RETSAT: variants seen among roughly 807,000 people sequenced by gnomAD.
RETSAT encodes retinol saturase.
Under a neutral mutation model 61.6 loss-of-function variants are expected in RETSAT, and 35 were observed. The ratio of observed to expected loss-of-function variants is 0.57; its 90% CI spans 0.43 to 0.75. RETSAT has a LOEUF of 0.75. RETSAT is among the 30% of genes least tolerant of loss of function. The pLI, the probability that RETSAT is intolerant of heterozygous loss-of-function variation, is 0.00. For synonymous variants in RETSAT, 277 were observed against 310.4 expected (o/e 0.89, Z 1.13); for missense variants, 670 against 759.5 (o/e 0.88, Z 1.38).
Position 85,344,718 on chromosome 2 carries a change from G to C in RETSAT, c.1132C>G (p.Leu378Val), listed in dbSNP as rs1281159743. 1 of 1,614,150 alleles carries C rather than the reference G, an allele frequency of 6.2e-7. No homozygotes were observed. Among genetic ancestry groups the C allele is most frequent in the Non-Finnish European group, 8.5e-7 (1 of 1,179,998 alleles). ...CCTAAGCCGGGCCGCACCGTCCCCA[G>C]TTGCTGCTTCACACCTGCCAGGGGG... ...ARCLPGVKQQ[L>V]GTVRPGLGMT... The change falls in exon 7 of 11, where the codon CTG becomes GTG. Residue 378 changes from leucine (L) to valine (V), a missense_variant. Leu to Val is a conservative substitution (Grantham distance 32). Coordinates refer to ENST00000295802, the MANE Select transcript of RETSAT (RefSeq NM_017750.4).
chr2:85,347,920 A>T (rs1229480938), intron 5 of RETSAT, among the ~76,000 whole-genome samples: 2 of 152,050 alleles, frequency 1.3e-5, no homozygotes, highest in African/African-American at 4.8e-5. Flanking sequence ...TTCATTTTGC[A>T]CTGGGCCCCC....
At chr2:85,348,630 C>CAAAA (rs11400450) in intron 5 of RETSAT, among the ~76,000 whole-genome samples, 96 of 43,700 alleles carry the variant, frequency 2.2e-3, no homozygotes, top group East Asian at 3.2e-3. Flanking sequence ...GACTCCAACT[C>CAAAA]AAAAAAAAAA....
rs778233749 is a variant in RETSAT at position 85,350,169 on chromosome 2, T to C, written c.670A>G (p.Arg224Gly). The change falls in exon 4 of 11, where the codon AGG (arginine) becomes GGG (glycine). Residue 224 changes from arginine to glycine, a missense_variant. By Grantham distance (125) the Arg-to-Gly change is moderately radical. Transcript: ENST00000295802. ...GAGAAACGAGTCAGCAGCCCACACCTGTCGAGGAGCTGAACCACGGGCAAT... is the reference window on the plus strand; with the variant it reads ...GAGAAACGAGTCAGCAGCCCACACCCGTCGAGGAGCTGAACCACGGGCAAT... ...LPLPVVQLLDRCGLLTRFSPF... is the reference protein window; with the variant it reads ...LPLPVVQLLDGCGLLTRFSPF... The C allele has an allele frequency of 6.1e-5, 99 of 1,613,748 alleles. No homozygotes were observed. The highest frequency in any genetic ancestry group is 5.5e-5 in the Non-Finnish European group (65 of 1,179,980).
Position 85,351,882 on chromosome 2 carries a change from G to A in RETSAT, c.173-20C>T. On this transcript the variant is annotated intron_variant, in intron 1 of 10. Transcript: ENST00000295802. Reference sequence around the variant, plus strand: ...AAAAAGCTACAGCAGAAGGGCCAAAGGGTGGGTTTCTCAGGCAGGGGCAGG... The same window carrying A: ...AAAAAGCTACAGCAGAAGGGCCAAAAGGTGGGTTTCTCAGGCAGGGGCAGG... The A allele has an allele frequency of 6.2e-7, 1 of 1,608,934 alleles. No individual in the cohort carries two copies. The highest frequency in any genetic ancestry group is 8.5e-7 in the Non-Finnish European group (1 of 1,177,936).
Position 85,343,330 on chromosome 2 carries a change from A to G in RETSAT, c.1745T>C (p.Leu582Pro). ...GLVGALQGAL[L>P]CSSAILKRNL... ...CCGCTTCAGGATGGCGCTGCTGCAC[A>G]GCAGGGCACCTTGCAGGGCCCCGAC... Residue 582 changes from leucine to proline, a missense_variant, in exon 11 of 11, where the codon CTG becomes CCG. Transcript: ENST00000295802. 6.2e-7 allele frequency: 1 copy of G among 1,614,266 alleles called. No homozygotes were observed.
intron 2 of RETSAT, 109 bp from the exon 3 acceptor site, chr2:85,351,130 G>T: frequency 1.5e-6 from 2 of 1,340,042 alleles, no homozygotes; most frequent in Non-Finnish European, 2.1e-6. Flanking sequence ...CCAAGTTCAC[G>T]CCCAGAGTGA....
rs1280692730 is a variant in RETSAT at position 85,343,378 on chromosome 2, TGGCCTAGGAGGCAAGAGCAGAG to T, written c.1694-19_1696del. 6.2e-7 allele frequency: 1 copy of T among 1,612,206 alleles called. No homozygotes were observed. The highest frequency in any genetic ancestry group is 2.2e-5 in the East Asian group (1 of 44,902). On this transcript the variant is annotated splice_acceptor_variant and splice_polypyrimidine_tract_variant and coding_sequence_variant and intron_variant, in exon 11 of 11. Transcript: ENST00000295802. LOFTEE classifies it high-confidence loss of function. Reference sequence around the variant, plus strand: ...GACCAGTCCACAGGTGAAGATATCCTGGCCTAGGAGGCAAGAGCAGAGGCCCCTGAGCGTGCACCCAGGCAGG... The same window carrying T: ...GACCAGTCCACAGGTGAAGATATCCTGCCCCTGAGCGTGCACCCAGGCAGG...
chr2:85,349,253 TG>T, intron 5 of RETSAT, 130 bp downstream of exon 5: 1 of 798,878 alleles, frequency 1.3e-6, no homozygotes, highest in Non-Finnish European at 2.1e-6. Context: ...GACCCTGCTC[TG>T]GGGCAGATTC....
intron 1 of RETSAT, among the ~76,000 whole-genome samples, chr2:85,352,659 G>C (rs1407484843): frequency 6.6e-6 from 1 of 152,146 alleles, no homozygotes; most frequent in East Asian, 1.9e-4. Context: ...TGGGATTACA[G>C]GCATGAGCCA....
In RETSAT at chr2:85,343,781, T is replaced by TCTCCACCTGAGG. The variant is rs1380590089; in HGVS notation, c.1550_1551insCCTCAGGTGGAG (p.Ala517_Gly518insLeuArgTrpArg). 6.2e-7 allele frequency: 1 copy of TCTCCACCTGAGG among 1,613,698 alleles called. No homozygotes were observed. On this transcript the variant is annotated inframe_insertion, in exon 10 of 11. Transcript: ENST00000295802. ...AGAACTGGTTGGTGAGTGGGGATCC[T>TCTCCACCTGAGG]GCAGTCACACTCTCCACCTGAGGGC...
intron 3 of RETSAT, 143 bp downstream of exon 3, chr2:85,350,637 G>A (rs879566355): frequency 3.8e-5 from 36 of 948,002 alleles, no homozygotes; most frequent in Non-Finnish European, 5.3e-5. Flanking sequence ...GGACTTGGGT[G>A]GAGGCTGAGC....
rs752896548 is a variant in RETSAT, at chr2:85,344,305, G to A, written c.1300C>T (p.His434Tyr). The A allele has an allele frequency of 1.2e-6, 2 of 1,614,158 alleles. No individual in the cohort carries two copies. Among genetic ancestry groups the A allele is most frequent in the Non-Finnish European group, 8.5e-7 (1 of 1,180,028 alleles). Reference sequence around the variant, plus strand: ...AAAGCGAAGAAGAGAAGAGGGATGTGTTCCGCAGCCTCTTCCCTGGGCATG... The same window carrying A: ...AAAGCGAAGAAGAGAAGAGGGATGTATTCCGCAGCCTCTTCCCTGGGCATG... ...VSMPREEAAEHIPLLFFAFPS... is the reference protein window; with the variant it reads ...VSMPREEAAEYIPLLFFAFPS... The change falls in exon 8 of 11, where the codon CAC becomes TAC. Residue 434 changes from histidine (H) to tyrosine (Y), a missense_variant. Transcript: ENST00000295802.
chr2:85,351,838 T>C lies in RETSAT; in HGVS notation c.197A>G (p.Glu66Gly), dbSNP rs760616498. The C allele has an allele frequency of 2.5e-6, 4 of 1,613,996 alleles. No individual in the cohort carries two copies. The highest frequency in any genetic ancestry group is 3.4e-6 in the Non-Finnish European group (4 of 1,179,986). ...GCCAATTACCACCACATCCAGCTTC[T>C]CCGGCACTTGGTTGGCTGAAAAAGC... ...KQAFSANQVP[E>G]KLDVVVIGSG... The change falls in exon 2 of 11, where the codon GAG becomes GGG. Residue 66 changes from glutamate (E) to glycine (G), a missense_variant. By Grantham distance (98) the Glu-to-Gly change is moderately conservative. Transcript: ENST00000295802.
Position 85,343,643 on chromosome 2 carries a change from C to A in RETSAT, c.1689G>T (p.Leu563=). 2 of 1,611,832 alleles carry A rather than the reference C, an allele frequency of 1.2e-6. No homozygotes were observed. Among genetic ancestry groups the A allele is most frequent in the South Asian group, 1.1e-5 (1 of 90,988 alleles). The change falls in exon 10 of 11, where the codon CTG becomes CTT. Residue 563 remains leucine (L), a synonymous_variant. Transcript: ENST00000295802. ...AACATGGGGCAGTGAGTATACCTGTCAGATAGAGGTTGGGGATGGGGCTCT... is the reference window on the plus strand; with the variant it reads ...AACATGGGGCAGTGAGTATACCTGTAAGATAGAGGTTGGGGATGGGGCTCT... ...RAQSPIPNLY[L]TGQDIFTCGL...
At chr2:85,343,424 G>A (rs1477180828) in intron 10 of RETSAT, 43 bp from the exon 11 acceptor site, 1 of 1,593,552 alleles carries the variant, frequency 6.3e-7, no homozygotes, top group Non-Finnish European at 8.6e-7. Flanking sequence ...CACCCAGGCA[G>A]GCCCAGGGGA....
At chr2:85,344,549 C>G (rs781669466) in intron 7 of RETSAT, 45 bp downstream of exon 7, 1 of 1,603,938 alleles carries the variant, frequency 6.2e-7, no homozygotes, top group East Asian at 2.2e-5. Context: ...CTGAGTCAAG[C>G]AGGGAGGCAC....
intron 1 of RETSAT, among the ~76,000 whole-genome samples, chr2:85,353,052 A>T (rs184736673): frequency 0.012 from 1,761 of 152,328 alleles, 14 homozygotes; most frequent in Middle Eastern, 0.034. Flanking sequence ...GTAAAAAAAA[A>T]TTTCACATGT....
chr2:85,353,616 A>G (rs1683358159), intron 1 of RETSAT, among the ~76,000 whole-genome samples: 1 of 152,238 alleles, frequency 6.6e-6, no homozygotes, highest in Admixed American at 6.5e-5. Flanking sequence ...AGTTCTCAGA[A>G]GTCCAGATGA....
rs767345266 is a variant in RETSAT, at chr2:85,350,763, C to T, written c.597+17G>A. The T allele has an allele frequency of 2.5e-6, 4 of 1,614,068 alleles. No individual in the cohort carries two copies. Among genetic ancestry groups the T allele is most frequent in the Admixed American group, 3.3e-5 (2 of 59,998 alleles). On this transcript the variant is annotated intron_variant, in intron 3 of 10. Transcript: ENST00000295802. ...TTATCGAGAACAAACTCTGGGTCCT[C>T]AGCATGTCCATGTTACCTTAACCAG... is the stretch of plus-strand genomic sequence containing the variant.
Sources: allele counts gnomAD v4.1 joint callset (sites outside exome capture counted in the v4.1 genomes callset), GRCh38; gene constraint gnomAD v4.1.1; transcripts MANE v1.5; gene names NCBI Gene and HGNC (gene_info 2026-07-23, HGNC 2026-07-21).